Variants in KCNJ12 observed in about 807,000 individuals in gnomAD.
The protein encoded by KCNJ12 is ATP-sensitive inward rectifier potassium channel 12.
KCNJ12 carries 2 observed loss-of-function variants against 22.3 expected under a neutral mutation model. That is an observed-to-expected ratio of 0.09 (90% CI 0.04 to 0.28). The LOEUF (loss-of-function observed/expected upper bound fraction) is 0.28, where lower values mean the gene tolerates loss of function less well. Ranked by LOEUF, KCNJ12 falls within the 10% of genes least tolerant of loss-of-function variation. KCNJ12 has a pLI of 1.00. For missense variants in KCNJ12, 155 were observed against 633.3 expected (o/e 0.24, Z 8.11); for synonymous variants, 117 against 261.4 (o/e 0.45, Z 5.33).
intron 1 of KCNJ12, among the ~76,000 whole-genome samples, chr17:21,406,442 T>A (rs1170483755): frequency 6.6e-6 from 1 of 152,310 alleles, no homozygotes; most frequent in Non-Finnish European, 1.5e-5. Flanking sequence ...AACCTCTGTG[T>A]CCCCATCAGT....
intron 2 of KCNJ12, 64 bp downstream of exon 2, chr17:21,408,704 T>C (rs1399993581): frequency 6.6e-6 from 1 of 152,348 alleles, no homozygotes; most frequent in Non-Finnish European, 1.5e-5. Context: ...GACTCTCATC[T>C]GTACATCCTT....
chr17:21,403,638 G>A (rs1905760121), intron 1 of KCNJ12, among the ~76,000 whole-genome samples: 1 of 152,268 alleles, frequency 6.6e-6, no homozygotes, highest in South Asian at 2.1e-4. Flanking sequence ...CTTGGAGTGG[G>A]GTCCAGCTGA....
chr17:21,382,304 TG>T (rs1292197893), intron 1 of KCNJ12, among the ~76,000 whole-genome samples: 1 of 152,188 alleles, frequency 6.6e-6, no homozygotes, highest in Non-Finnish European at 1.5e-5. Context: ...GCCTGGGGCG[TG>T]GGGCCTCTCA....
chr17:21,402,752 G>A (rs550812738), intron 1 of KCNJ12, among the ~76,000 whole-genome samples: 1 of 152,426 alleles, frequency 6.6e-6, no homozygotes, highest in Admixed American at 6.5e-5. Flanking sequence ...GTTATGGGGG[G>A]CTGAGGCCCT....
At chr17:21,400,909 G>A (rs1188903166) in intron 1 of KCNJ12, among the ~76,000 whole-genome samples, 2 of 152,298 alleles carry the variant, frequency 1.3e-5, no homozygotes, top group African/African-American at 4.8e-5. Flanking sequence ...CCGTCCTACT[G>A]ACTCCATGGG....
intron 1 of KCNJ12, among the ~76,000 whole-genome samples, chr17:21,407,755 TCATCCATCCATC>T (rs1240756282): frequency 2.0e-5 from 3 of 148,854 alleles, no homozygotes; most frequent in East Asian, 4.0e-4. Context: ...ATCCATCCAT[TCATCCATCCATC>T]CATCCATCCA....
At chr17:21,378,057 A>G (rs1904728959) in intron 1 of KCNJ12, among the ~76,000 whole-genome samples, 1 of 152,096 alleles carries the variant, frequency 6.6e-6, no homozygotes, top group Admixed American at 6.5e-5. Flanking sequence ...CGAGGCGCCC[A>G]CACGCCACTG....
chr17:21,410,437 C>T (rs1375319553), intron 2 of KCNJ12, among the ~76,000 whole-genome samples: 1 of 152,240 alleles, frequency 6.6e-6, no homozygotes, highest in Non-Finnish European at 1.5e-5. Context: ...TGGTGCTTGC[C>T]TGGGCGAGGC....
intron 1 of KCNJ12, among the ~76,000 whole-genome samples, chr17:21,388,301 C>T (rs868954133): frequency 6.6e-6 from 1 of 152,226 alleles, no homozygotes; most frequent in African/African-American, 2.4e-5. Context: ...CTGAGCGGGG[C>T]GTTGGGAGGA....
intron 1 of KCNJ12, among the ~76,000 whole-genome samples, chr17:21,406,486 T>G (rs1346478986): frequency 6.6e-6 from 1 of 152,308 alleles, no homozygotes; most frequent in Non-Finnish European, 1.5e-5. Flanking sequence ...AGGCAAAGTG[T>G]AGGCCTGTGG....
intron 1 of KCNJ12, among the ~76,000 whole-genome samples, chr17:21,400,316 C>T (rs1185160149): frequency 2.0e-5 from 3 of 152,312 alleles, no homozygotes; most frequent in Non-Finnish European, 4.4e-5. Context: ...CACACCCTGC[C>T]TTGTGTCCTG....
At chr17:21,380,360 T>C (rs1189588605) in intron 1 of KCNJ12, among the ~76,000 whole-genome samples, 2 of 152,016 alleles carry the variant, frequency 1.3e-5, no homozygotes, top group African/African-American at 4.8e-5. Context: ...CTGTGCTGGG[T>C]AGCCATACAG....
intron 1 of KCNJ12, among the ~76,000 whole-genome samples, chr17:21,390,669 C>G (rs1485691441): frequency 6.6e-6 from 1 of 152,184 alleles, no homozygotes; most frequent in African/African-American, 2.4e-5. Flanking sequence ...TTCCAGCTCC[C>G]TGGTCCAGAG....
intron 1 of KCNJ12, among the ~76,000 whole-genome samples, chr17:21,379,797 G>T (rs1030224166): frequency 6.6e-6 from 1 of 152,144 alleles, no homozygotes; most frequent in Non-Finnish European, 1.5e-5. Flanking sequence ...TTGGGGGTGG[G>T]GGGGGGCCTG....
intron 1 of KCNJ12, among the ~76,000 whole-genome samples, chr17:21,387,440 CAAAAAAAAA>C (rs782125409): frequency 0.014 from 496 of 36,546 alleles, 11 homozygotes; most frequent in Middle Eastern, 0.037. Flanking sequence ...GACTCTATCT[CAAAAAAAAA>C]AAAAAAAAAA....
intron 1 of KCNJ12, among the ~76,000 whole-genome samples, chr17:21,403,026 C>G (rs1469327180): frequency 2.0e-5 from 3 of 152,308 alleles, no homozygotes; most frequent in Non-Finnish European, 2.9e-5. Flanking sequence ...GAGCAGAAGC[C>G]AAGTACTGGG....
At chr17:21,410,059 TC>T (rs1471246342) in intron 2 of KCNJ12, among the ~76,000 whole-genome samples, 2 of 152,082 alleles carry the variant, frequency 1.3e-5, no homozygotes, top group Non-Finnish European at 2.9e-5. Flanking sequence ...GCCTGGGTTC[TC>T]CCCCATCCAG....
chr17:21,408,733 G>A (rs1906132019), intron 2 of KCNJ12, 93 bp downstream of exon 2: 1 of 152,148 alleles, frequency 6.6e-6, no homozygotes, highest in Non-Finnish European at 1.5e-5. Context: ...CACCCACCAT[G>A]CCATCCTTTC....
At position 21,416,587 on chromosome 17, in the gene KCNJ12, C is replaced by T; in HGVS notation, c.1245C>T (p.Leu415=). ...SPQARHDFDR[L]QAGGGVLEQR... is the part of the protein sequence containing the mutation. Reference sequence around the variant, plus strand: ...AGGCCAGGCATGACTTTGACAGACTCCAGGCTGGCGGCGGGGTCCTGGAGC... The same window carrying T: ...AGGCCAGGCATGACTTTGACAGACTTCAGGCTGGCGGCGGGGTCCTGGAGC... Residue 415 remains leucine, a synonymous_variant, in exon 3 of 3, where the codon CTC becomes CTT. Coordinates refer to ENST00000583088, the MANE Select transcript of KCNJ12 (RefSeq NM_021012.5). 1.9e-6 allele frequency: 3 copies of T among 1,605,730 alleles called. No homozygotes were observed. The highest frequency in any genetic ancestry group is 1.3e-5 in the African/African-American group (1 of 74,946).
Sources: allele counts gnomAD v4.1 joint callset (sites outside exome capture counted in the v4.1 genomes callset), GRCh38; gene constraint gnomAD v4.1.1; transcripts MANE v1.5; gene names NCBI Gene and HGNC (gene_info 2026-07-23, HGNC 2026-07-21).